ALG9: variants seen among roughly 807,000 people sequenced by gnomAD.
The protein encoded by ALG9 is alpha-1,2-mannosyltransferase ALG9.
ALG9 carries 55 observed loss-of-function variants against 81.8 expected under a neutral mutation model. That is an observed-to-expected ratio of 0.67 (90% CI 0.54 to 0.84). ALG9 has a LOEUF of 0.84. Among genes scored for constraint, ALG9 ranks in the 40% least tolerant of loss-of-function variants. The probability of loss-of-function intolerance (pLI) is 0.00; values close to 1 mark genes in which losing one functional copy is unlikely to be tolerated. For synonymous variants in ALG9, 278 were observed against 274.3 expected (o/e 1.01, Z -0.13); for missense variants, 629 against 745.0 (o/e 0.84, Z 1.81).
chr11:111,830,021 AGT>A (rs1196821911), intron 13 of ALG9, among the ~76,000 whole-genome samples: 1 of 152,222 alleles, frequency 6.6e-6, no homozygotes, highest in African/African-American at 2.4e-5. Flanking sequence ...TTTCAGGTGT[AGT>A]TTCAGCAAAT....
intron 14 of ALG9, chr11:111,805,218 A>G: frequency 2.2e-6 from 1 of 456,094 alleles, no homozygotes; most frequent in Non-Finnish European, 4.4e-6. Context: ...TCTTGCAGCC[A>G]TGTGAGGATA....
Position 111,871,346 on chromosome 11 carries a change from A to C in ALG9, c.131+6T>G, listed in dbSNP as rs1290705708. The C allele has an allele frequency of 3.3e-6, 5 of 1,519,452 alleles. No homozygotes were observed. The highest frequency in any genetic ancestry group is 2.0e-5 in the Admixed American group (1 of 49,764). The allele number at this position is 1,519,452 out of a possible 1,614,324, so 94.1% of individuals were successfully genotyped here. A position where few individuals can be genotyped will look rare whatever the true frequency, so the allele number is the denominator to read the frequency against. ...CGGCCACGCCCCTGCCGCGCCGCAC[A>C]CGTACTCGGTCCGGTGCTCCGCGCC... On this transcript the variant is annotated splice_donor_region_variant and intron_variant, in intron 1 of 14. Transcript: ENST00000616540.
intron 11 of ALG9, among the ~76,000 whole-genome samples, 155 bp downstream of exon 11, chr11:111,838,094 G>A (rs1437313919): frequency 6.6e-6 from 1 of 152,136 alleles, no homozygotes; most frequent in African/African-American, 2.4e-5. Context: ...AGATACAGAA[G>A]TCATATGCCA....
chr11:111,781,216 T>A (rs560889106), downstream of ALG9, among the ~76,000 whole-genome samples: 2 of 152,290 alleles, frequency 1.3e-5, no homozygotes, highest in African/African-American at 4.8e-5. Flanking sequence ...GGAAGAATAA[T>A]AATAACCAAC....
the ALG9 span, among the ~76,000 whole-genome samples, chr11:111,775,084 G>A: frequency 7.2e-5 from 11 of 152,126 alleles, no homozygotes; most frequent in East Asian, 1.9e-4. Context: ...CACCACGCCC[G>A]GCCACTTATC....
At chr11:111,803,623 T>C (rs1949481432) in intron 14 of ALG9, among the ~76,000 whole-genome samples, 1 of 151,850 alleles carries the variant, frequency 6.6e-6, no homozygotes, top group African/African-American at 2.4e-5. Flanking sequence ...AATAGGTCAG[T>C]GAAACAGAAT....
At chr11:111,866,242 A>G (rs1163904300) in intron 3 of ALG9, among the ~76,000 whole-genome samples, 1 of 152,252 alleles carries the variant, frequency 6.6e-6, no homozygotes, top group African/African-American at 2.4e-5. Flanking sequence ...GGTTGCAGTG[A>G]GCCGAGATCG....
rs1555158739 is a variant in ALG9, at chr11:111,871,368, C to T, written c.115G>A (p.Ala39Thr). ...ELLGSREAGG[A>T]EHRTELSGNK... Reference sequence around the variant, plus strand: ...CACACGTACTCGGTCCGGTGCTCCGCGCCGCCCGCCTCTCGGCTGCCCAGC... The same window carrying T: ...CACACGTACTCGGTCCGGTGCTCCGTGCCGCCCGCCTCTCGGCTGCCCAGC... The change falls in exon 1 of 15, where the codon GCG becomes ACG. Residue 39 changes from alanine to threonine, a missense_variant. Ala to Thr is a moderately conservative substitution (Grantham distance 58, BLOSUM62 0). Coordinates refer to ENST00000616540, the MANE Select transcript of ALG9 (RefSeq NM_024740.2). 1.3e-6 allele frequency: 2 copies of T among 1,531,514 alleles called. No homozygotes were observed. The highest frequency in any genetic ancestry group is 3.9e-5 in the Admixed American group (2 of 50,844). 94.9% of individuals were successfully genotyped at this position (1,531,514 alleles called of 1,614,324 possible). A position where few individuals can be genotyped will look rare whatever the true frequency, so the allele number is the denominator to read the frequency against.
chr11:111,799,100 T>C (rs1317377356), intron 14 of ALG9, among the ~76,000 whole-genome samples: 1 of 152,334 alleles, frequency 6.6e-6, no homozygotes, highest in East Asian at 1.9e-4. Flanking sequence ...CAATCATCTT[T>C]AGGTTGCAAC....
At position 111,860,664 on chromosome 11, in the gene ALG9, T is replaced by C. The variant is rs548774987; in HGVS notation, c.477-29A>G. ...GGAAAAAGGCAAAGACTATCAGCAT[T>C]GAGAATATTAGGAATAGACATTTCA... On this transcript the variant is annotated intron_variant, in intron 4 of 14. Coordinates refer to ENST00000616540, the MANE Select transcript of ALG9 (RefSeq NM_024740.2). The C allele has an allele frequency of 1.9e-6, 3 of 1,543,176 alleles. No homozygotes were observed. The South Asian group carries it at 3.4e-5, about 18-fold the overall frequency.
intron 3 of ALG9, among the ~76,000 whole-genome samples, chr11:111,865,487 A>G (rs1193367257): frequency 1.3e-5 from 2 of 152,244 alleles, no homozygotes; most frequent in African/African-American, 4.8e-5. Flanking sequence ...TGTTAATTGC[A>G]GTTTTAGTAA....
the ALG9 span, among the ~76,000 whole-genome samples, chr11:111,774,826 A>G: frequency 3.3e-5 from 5 of 152,174 alleles, no homozygotes; most frequent in Admixed American, 3.3e-4. Flanking sequence ...TGTGGCATCC[A>G]TAGATGTGTA....
intron 6 of ALG9, among the ~76,000 whole-genome samples, 182 bp from the exon 7 acceptor site, chr11:111,853,918 G>A (rs1310191882): frequency 6.6e-6 from 1 of 152,090 alleles, no homozygotes; most frequent in African/African-American, 2.4e-5. Flanking sequence ...TCCCACTGAT[G>A]CACAAGAAAT....
At chr11:111,843,622 A>C (rs978806292) in intron 9 of ALG9, among the ~76,000 whole-genome samples, 13 of 152,192 alleles carry the variant, frequency 8.5e-5, no homozygotes, top group Admixed American at 1.3e-4. Context: ...CAAAGTCTGA[A>C]ATTAAATCTT....
Position 111,844,674 on chromosome 11 carries a change from A to G in ALG9, c.945T>C (p.Asn315=), listed in dbSNP as rs185555263. 6.3e-4 allele frequency: 1,023 copies of G among 1,614,082 alleles called. 1 individual carries two copies. Among genetic ancestry groups the G allele is most frequent in the Admixed American group, 1.4e-3 (86 of 60,030 alleles). The change falls in exon 9 of 15, where the codon AAT becomes AAC. Residue 315 remains asparagine, a synonymous_variant. Transcript: ENST00000616540. Reference sequence around the variant, plus strand: ...CTAGGAGAGCCAAAGCAAAGGCTACATTGAAATTCAGAAATCCATTAATTA... The same window carrying G: ...CTAGGAGAGCCAAAGCAAAGGCTACGTTGAAATTCAGAAATCCATTAATTA... ...FYLINGFLNF[N]VAFALALLVL...
At chr11:111,843,566 G>A (rs1956536026) in intron 9 of ALG9, among the ~76,000 whole-genome samples, 1 of 152,144 alleles carries the variant, frequency 6.6e-6, no homozygotes, top group Non-Finnish European at 1.5e-5. Flanking sequence ...AAAGCAGAAT[G>A]GAGGTGGGAT....
chr11:111,846,082 C>T (rs567339692), intron 8 of ALG9, among the ~76,000 whole-genome samples: 17 of 152,266 alleles, frequency 1.1e-4, no homozygotes, highest in African/African-American at 2.6e-4. Context: ...AGAAAACTAA[C>T]GGATGGTTTT....
At chr11:111,850,635 AG>A (rs1957618023) in intron 8 of ALG9, among the ~76,000 whole-genome samples, 1 of 143,420 alleles carries the variant, frequency 7.0e-6, no homozygotes, top group Non-Finnish European at 1.5e-5. Context: ...TGAATCCGGG[AG>A]GCAGAGGTTG....
At chr11:111,824,267 T>C (rs1160675389) in intron 13 of ALG9, among the ~76,000 whole-genome samples, 1 of 152,028 alleles carries the variant, frequency 6.6e-6, no homozygotes, top group Admixed American at 6.6e-5. Flanking sequence ...ACTGCCACCA[T>C]TAAGAAAGTC....
Sources: allele counts gnomAD v4.1 joint callset (sites outside exome capture counted in the v4.1 genomes callset), GRCh38; gene constraint gnomAD v4.1.1; transcripts MANE v1.5; gene names NCBI Gene and HGNC (gene_info 2026-07-23, HGNC 2026-07-21).